Variants in GRHL3 observed in about 807,000 individuals in gnomAD.
The protein encoded by GRHL3 is grainyhead like transcription factor 3.
Under a neutral mutation model 70.3 loss-of-function variants are expected in GRHL3, and 20 were observed. That is an observed-to-expected ratio of 0.28 (90% CI 0.20 to 0.41). The LOEUF is 0.41. Among genes scored for constraint, GRHL3 ranks in the 10% least tolerant of loss-of-function variants. GRHL3 has a pLI of 1.00. For synonymous variants in GRHL3, 299 were observed against 299.9 expected (o/e 1.00, Z 0.03); for missense variants, 637 against 762.3 (o/e 0.84, Z 1.94).
chr1:24,343,748 G>GCCAT, intron 11 of GRHL3, among the ~76,000 whole-genome samples: 1 of 152,300 alleles, frequency 6.6e-6, no homozygotes, highest in Admixed American at 6.5e-5. Context: ...TTCCATACTG[G>GCCAT]AGAGTCTGAG....
chr1:24,330,154 A>G (rs1230371560), intron 1 of GRHL3, among the ~76,000 whole-genome samples: 3 of 152,256 alleles, frequency 2.0e-5, no homozygotes, highest in Admixed American at 6.5e-5. Context: ...TTTACATTGT[A>G]TAATGACCAA....
intron 14 of GRHL3, among the ~76,000 whole-genome samples, chr1:24,349,823 CA>C (rs1640433957): frequency 6.6e-6 from 1 of 152,198 alleles, no homozygotes; most frequent in African/African-American, 2.4e-5. Context: ...AACATTTATA[CA>C]CACAACCGTA....
chr1:24,354,426 G>A lies in GRHL3; in HGVS notation c.1747G>A (p.Ala583Thr). ...CATTCAGCATTACAGCAACCACGTC[G>A]CCTTCCTGCTGGACATGGGGGAGCT... ...NIIQHYSNHV[A>T]FLLDMGELDG... Residue 583 changes from alanine to threonine, a missense_variant, in exon 16 of 16, where the codon GCC (alanine) becomes ACC (threonine). Coordinates refer to ENST00000361548, the MANE Select transcript of GRHL3 (RefSeq NM_198173.3). The A allele has an allele frequency of 1.9e-6, 3 of 1,613,924 alleles. No individual in the cohort carries two copies. Among genetic ancestry groups the A allele is most frequent in the Non-Finnish European group, 1.7e-6 (2 of 1,179,876 alleles).
intron 3 of GRHL3, 79 bp from the exon 4 acceptor site, chr1:24,336,403 C>T: frequency 1.1e-6 from 1 of 874,070 alleles, no homozygotes; most frequent in South Asian, 1.7e-5. Flanking sequence ...GCCAGTGTGT[C>T]AGTTGCCTTG....
chr1:24,346,532 C>A (rs1297328030), intron 12 of GRHL3, 21 bp from the exon 13 acceptor site: 5 of 1,583,442 alleles, frequency 3.2e-6, no homozygotes, highest in Non-Finnish European at 4.3e-6. Flanking sequence ...CTCACAAGCT[C>A]CCCCACTGCC....
At chr1:24,329,062 C>T (rs1408737520) in intron 1 of GRHL3, among the ~76,000 whole-genome samples, 1 of 152,196 alleles carries the variant, frequency 6.6e-6, no homozygotes, top group African/African-American at 2.4e-5. Context: ...GGCCTCTTCT[C>T]ACCTCTCCTT....
chr1:24,335,818 G>T (rs567232214), intron 3 of GRHL3, among the ~76,000 whole-genome samples: 1 of 152,166 alleles, frequency 6.6e-6, no homozygotes, highest in East Asian at 1.9e-4. Flanking sequence ...TCCTGACCTC[G>T]TGATCCGCCC....
In GRHL3 at chr1:24,336,642, G is replaced by A. The variant is rs148080626; in HGVS notation, c.427G>A (p.Gly143Ser). ...CTTGGAGGGGGCCTTGCCCACCCCT[G>A]GCAAGGCAGCTCCCCTCCCTGCAGG... ...MSLEGALPTP[G>S]KAAPLPAGPS... is the part of the protein sequence containing the mutation. The change falls in exon 4 of 16, where the codon GGC becomes AGC. Residue 143 changes from glycine to serine, a missense_variant. By Grantham distance (56) the Gly-to-Ser change is moderately conservative. Coordinates refer to ENST00000361548, the MANE Select transcript of GRHL3 (RefSeq NM_198173.3). 1 of 1,614,130 alleles carries A rather than the reference G, an allele frequency of 6.2e-7. No homozygotes were observed. Among genetic ancestry groups the A allele is most frequent in the Non-Finnish European group, 8.5e-7 (1 of 1,179,988 alleles).
chr1:24,346,734 G>T, intron 13 of GRHL3, 93 bp downstream of exon 13: 2 of 951,228 alleles, frequency 2.1e-6, no homozygotes, highest in South Asian at 1.4e-5. Flanking sequence ...GGTGGGGCAC[G>T]AGGCGCTGCC....
At position 24,337,805 on chromosome 1, in the gene GRHL3, G is replaced by T; in HGVS notation, c.840+16G>T. 6.2e-7 allele frequency: 1 copy of T among 1,614,068 alleles called. No individual in the cohort carries two copies. The highest frequency in any genetic ancestry group is 8.5e-7 in the Non-Finnish European group (1 of 1,179,990). ...CAAAGTCAAGGTGCGTTGGCCTGGA[G>T]CAGCTTCAGAAGGGGTGGAATGGGG... On this transcript the variant is annotated intron_variant, in intron 6 of 15. Transcript: ENST00000361548.
chr1:24,357,746 C>G (rs1640816301), downstream of GRHL3: 1 of 180,268 alleles, frequency 5.5e-6, no homozygotes, highest in Admixed American at 5.4e-5. Flanking sequence ...ACCACTAGGG[C>G]ACATTTCTTT....
Position 24,319,401 on chromosome 1 carries a change from T to C in GRHL3, c.-151T>C, listed in dbSNP as rs1262810419. ...TGTAGCCAATCAGCGCCAGCGCTGC[T>C]GGGAACCTACCTGTCAGCAAAATCT... On this transcript the variant is annotated 5_prime_UTR_variant, in exon 1 of 16. Transcript: ENST00000361548. 1 of 827,918 alleles carries C rather than the reference T, an allele frequency of 1.2e-6. No homozygotes were observed. The highest frequency in any genetic ancestry group is 2.1e-6 in the Non-Finnish European group (1 of 481,270). The allele number at this position is 827,918 out of a possible 1,614,324, so 51.3% of individuals were successfully genotyped here. A position where few individuals can be genotyped will look rare whatever the true frequency, so the allele number is the denominator to read the frequency against.
chr1:24,359,961 G>A (rs1341009118), downstream of GRHL3, among the ~76,000 whole-genome samples: 3 of 151,952 alleles, frequency 2.0e-5, no homozygotes, highest in Non-Finnish European at 4.4e-5. This position sits in a 1 kb window ranked among gnomAD's most constrained non-coding sequence, Gnocchi z 5.3. Context: ...GCGCTAGAAG[G>A]TTCAAAAGAG....
intron 1 of GRHL3, among the ~76,000 whole-genome samples, chr1:24,330,772 A>G (rs1639573121): frequency 6.6e-6 from 1 of 152,172 alleles, no homozygotes; most frequent in East Asian, 1.9e-4. Context: ...TATTTGTCCA[A>G]GCTTCTCAGC....
downstream of GRHL3, chr1:24,358,454 C>T: frequency 8.8e-7 from 1 of 1,137,834 alleles, no homozygotes; most frequent in South Asian, 1.2e-5. Context: ...CTGCCACACT[C>T]ATGATCGGTC....
At chr1:24,337,211 A>T in intron 5 of GRHL3, 60 bp downstream of exon 5, 1 of 1,205,766 alleles carries the variant, frequency 8.3e-7, no homozygotes, top group Non-Finnish European at 1.2e-6. Flanking sequence ...CTGCAGACAG[A>T]GCCCCACACT....
At chr1:24,336,377 T>C in intron 3 of GRHL3, 105 bp from the exon 4 acceptor site, 1 of 735,524 alleles carries the variant, frequency 1.4e-6, no homozygotes, top group Non-Finnish European at 2.3e-6. Flanking sequence ...GACCTAAACA[T>C]TACACTGGAT....
chr1:24,348,186 G>T (rs1640367036), intron 14 of GRHL3, among the ~76,000 whole-genome samples: 1 of 152,208 alleles, frequency 6.6e-6, no homozygotes, highest in African/African-American at 2.4e-5. Flanking sequence ...AGTGAAAATG[G>T]CATCAAATAG....
chr1:24,346,462 C>G (rs1640287866), intron 12 of GRHL3, 91 bp from the exon 13 acceptor site: 1 of 798,984 alleles, frequency 1.3e-6, no homozygotes, highest in Non-Finnish European at 2.1e-6. Flanking sequence ...TTTTCTTCCC[C>G]ATTTCTAGGG....
Sources: gnomAD v4.1 joint callset for allele counts (sites outside exome capture counted in the v4.1 genomes callset) on GRCh38, gnomAD v4.1.1 for gene constraint, Gnocchi (gnomAD v3.1) non-coding constraint, MANE v1.5 for transcripts, NCBI Gene and HGNC (gene_info 2026-07-23, HGNC 2026-07-21) for gene names.